The following MOK variants were observed in gnomAD, a reference collection of about 807,000 sequenced individuals.
The protein encoded by MOK is MOK protein kinase.
In MOK, 59 loss-of-function variants were observed where a neutral mutation model predicts 54.2. That is an observed-to-expected ratio of 1.09 (90% confidence interval 0.88 to 1.35). The LOEUF is 1.35. Ranked by LOEUF, MOK falls within the 40% of genes most tolerant of loss-of-function variation. MOK has a pLI of 0.00. For synonymous variants in MOK, 210 were observed against 202.7 expected (o/e 1.04, Z -0.31); for missense variants, 517 against 526.2 (o/e 0.98, Z 0.17).
intron 2 of MOK, among the ~76,000 whole-genome samples, chr14:102,276,953 C>T (rs1052491052): frequency 4.0e-5 from 6 of 151,050 alleles, no homozygotes; most frequent in African/African-American, 9.7e-5. Flanking sequence ...GGCTCAGCAA[C>T]GCTCCCATCA....
chr14:102,268,260 T>G (rs1376222183), intron 2 of MOK, among the ~76,000 whole-genome samples: 2 of 152,158 alleles, frequency 1.3e-5, no homozygotes, highest in Non-Finnish European at 2.9e-5. Flanking sequence ...AAGACAAATA[T>G]TTAGAAAGGC....
At chr14:102,237,533 AC>A (rs1467729755) in intron 7 of MOK, among the ~76,000 whole-genome samples, 3 of 152,032 alleles carry the variant, frequency 2.0e-5, no homozygotes, top group Non-Finnish European at 4.4e-5. Context: ...CTCCTAGCTC[AC>A]CCACTCTATG....
the MOK span, among the ~76,000 whole-genome samples, chr14:102,215,427 G>A: frequency 6.6e-6 from 1 of 152,212 alleles, no homozygotes; most frequent in East Asian, 1.9e-4. Flanking sequence ...AGCTGGGAGA[G>A]TGGAGAAGGT....
rs1237588263 is a variant in MOK at position 102,261,399 on chromosome 14, AAAAAAAAAAAAAAAAAAAAATATATATAT to A, written c.283+2118_283+2146del. Among the ~76,000 whole-genome samples, 49 of 72,372 alleles carry A rather than the reference AAAAAAAAAAAAAAAAAAAAATATATATAT, an allele frequency of 6.8e-4. 2 individuals are homozygous for A. The highest frequency in any genetic ancestry group is 3.3e-4 in the Non-Finnish European group (13 of 38,898). The allele number at this position is 72,372 out of a possible 152,430, so 47.5% of individuals were successfully genotyped here. A position where few individuals can be genotyped will look rare whatever the true frequency, so the allele number is the denominator to read the frequency against. ...GCGCCACGTCTCAAAAAAAAAAAAA[AAAAAAAAAAAAAAAAAAAAATATATATAT>A]ATATATATATATATATATATATATA... is the stretch of plus-strand genomic sequence containing the variant. On this transcript the variant is annotated intron_variant, in intron 4 of 11. Transcript: ENST00000361847.
At chr14:102,278,515 A>T (rs1323487344) in intron 2 of MOK, 1 of 362,256 alleles carries the variant, frequency 2.8e-6, no homozygotes, top group African/African-American at 2.1e-5. Flanking sequence ...CTTGAGAAAA[A>T]CCATGTACCA....
intron 4 of MOK, among the ~76,000 whole-genome samples, chr14:102,256,595 TACAG>T (rs959417012): frequency 2.6e-5 from 4 of 151,882 alleles, no homozygotes; most frequent in African/African-American, 7.3e-5. Context: ...TGTTTTTTTG[TACAG>T]ACAGAGTCTT....
At position 102,231,636 on chromosome 14, in the gene MOK, G is replaced by C; in HGVS notation, c.981+71C>G. On this transcript the variant is annotated intron_variant, in intron 10 of 11. Transcript: ENST00000361847. This position sits in a 1 kb window ranked among gnomAD's most constrained non-coding sequence, Gnocchi z 4.4. ...CCACAGGTGGCGTCCTCCTGAGAGA[G>C]ACACAGGCCACCCGAGGGCATCCAG... 5.0e-6 allele frequency: 7 copies of C among 1,405,436 alleles called. No individual in the cohort carries two copies. Among genetic ancestry groups the C allele is most frequent in the South Asian group, 2.4e-5 (2 of 84,220 alleles). 87.1% of individuals were successfully genotyped at this position (1,405,436 alleles called of 1,614,324 possible).
intron 4 of MOK, among the ~76,000 whole-genome samples, chr14:102,256,998 G>A (rs191086335): frequency 7.9e-5 from 12 of 151,924 alleles, no homozygotes; most frequent in Admixed American, 2.6e-4. Flanking sequence ...AGACAGTGGC[G>A]GGCAAAGGGC....
rs2067854819 is a variant in MOK at position 102,265,816 on chromosome 14, T to C, written c.212+7A>G. 1.2e-6 allele frequency: 2 copies of C among 1,608,374 alleles called. No individual in the cohort carries two copies. Among genetic ancestry groups the C allele is most frequent in the Non-Finnish European group, 1.7e-6 (2 of 1,175,238 alleles). ...TAGATAACTTTTCAAGCTCCAAATATACTTACAAAACCACTTCATGCAACA... is the reference window on the plus strand; with the variant it reads ...TAGATAACTTTTCAAGCTCCAAATACACTTACAAAACCACTTCATGCAACA... On this transcript the variant is annotated splice_region_variant and intron_variant, in intron 3 of 11. Transcript: ENST00000361847.
intron 4 of MOK, among the ~76,000 whole-genome samples, chr14:102,252,566 T>C (rs1381342193): frequency 6.6e-6 from 1 of 152,212 alleles, no homozygotes; most frequent in Admixed American, 6.5e-5. Context: ...TAGAGGCTTC[T>C]TTTACATCCT....
chr14:102,262,602 A>G (rs910262011), intron 4 of MOK, among the ~76,000 whole-genome samples: 29 of 152,280 alleles, frequency 1.9e-4, no homozygotes, highest in African/African-American at 6.5e-4. Flanking sequence ...AACTTCATAA[A>G]AACAATTTTA....
In MOK at chr14:102,263,597, G is replaced by C. The variant is rs764410321; in HGVS notation, c.232C>G (p.Leu78Val). The C allele has an allele frequency of 1.2e-6, 2 of 1,605,782 alleles. No homozygotes were observed. The highest frequency in any genetic ancestry group is 4.5e-5 in the East Asian group (2 of 44,638). Residue 78 changes from leucine (L) to valine (V), a missense_variant, in exon 4 of 12, where the codon CTT becomes GTT. Leu to Val is a conservative substitution (Grantham distance 32, BLOSUM62 1). Transcript: ENST00000361847. Reference protein sequence around the residue: ...EVVFDRKSGSLALICELMDMN... With the variant: ...EVVFDRKSGSVALICELMDMN... Reference sequence around the variant, plus strand: ...TCCATAAGTTCACATATTAGTGCAAGAGAACCAGATTTTCTGTCACTGAAG... The same window carrying C: ...TCCATAAGTTCACATATTAGTGCAACAGAACCAGATTTTCTGTCACTGAAG...
chr14:102,298,149 T>C (rs1258091301), intron 1 of MOK, among the ~76,000 whole-genome samples: 2 of 152,244 alleles, frequency 1.3e-5, no homozygotes, highest in African/African-American at 2.4e-5. Flanking sequence ...CCAGCTGGGC[T>C]CCTGAGTCTA....
intron 4 of MOK, among the ~76,000 whole-genome samples, chr14:102,253,616 C>T (rs1336957830): frequency 6.6e-6 from 1 of 152,244 alleles, no homozygotes; most frequent in Non-Finnish European, 1.5e-5. Context: ...TCCCCTGCAG[C>T]TGCCCTGTAC....
At position 102,294,370 on chromosome 14, in the gene MOK, C is replaced by T. The variant is rs146556231; in HGVS notation, c.7+10592G>A. Among the ~76,000 whole-genome samples, 100 of 150,452 alleles carry T rather than the reference C, an allele frequency of 6.6e-4. 1 individual carries two copies. Among genetic ancestry groups the T allele is most frequent in the African/African-American group, 2.3e-3 (95 of 40,748 alleles). On this transcript the variant is annotated intron_variant, in intron 1 of 11. Coordinates refer to ENST00000361847, the MANE Select transcript of MOK (RefSeq NM_014226.3). ...CTGAGGCAGGAAAATGGCATGAACC[C>T]GGGAGGCGGAGCTGGCAGTGAGCCG... is the stretch of plus-strand genomic sequence containing the variant.
At chr14:102,257,086 AT>A (rs1277527088) in intron 4 of MOK, among the ~76,000 whole-genome samples, 1 of 150,478 alleles carries the variant, frequency 6.6e-6, no homozygotes, top group Non-Finnish European at 1.5e-5. Context: ...CTCAGGTCCT[AT>A]CCCAAACCCC....
At chr14:102,283,311 C>A in intron 2 of MOK, 167 bp downstream of exon 2, 1 of 510,726 alleles carries the variant, frequency 2.0e-6, no homozygotes, top group Non-Finnish European at 3.5e-6. Context: ...TATGAGTAAA[C>A]TCCAGTATGA....
intron 1 of MOK, among the ~76,000 whole-genome samples, 166 bp from the exon 2 acceptor site, chr14:102,283,758 G>C (rs1004744934): frequency 6.6e-6 from 1 of 152,182 alleles, no homozygotes; most frequent in Non-Finnish European, 1.5e-5. Flanking sequence ...TTTAGGGGAA[G>C]CTGGAACAAA....
In MOK at chr14:102,252,006, A is replaced by T; in HGVS notation, c.284-11T>A. 1 of 1,496,966 alleles carries T rather than the reference A, an allele frequency of 6.7e-7. No homozygotes were observed. The highest frequency in any genetic ancestry group is 9.3e-7 in the Non-Finnish European group (1 of 1,078,764). The allele number at this position is 1,496,966 out of a possible 1,614,324, so 92.7% of individuals were successfully genotyped here. ...ATGGGTATCTTCTCCCTGTACAATC[A>T]AGGAAATAGGCAAATACGGTTACTG... On this transcript the variant is annotated splice_polypyrimidine_tract_variant and intron_variant, in intron 4 of 11. Transcript: ENST00000361847.
Sources: allele counts gnomAD v4.1 joint callset (sites outside exome capture counted in the v4.1 genomes callset), GRCh38; gene constraint gnomAD v4.1.1; non-coding constraint Gnocchi (gnomAD v3.1); transcripts MANE v1.5; gene names NCBI Gene and HGNC (gene_info 2026-07-23, HGNC 2026-07-21).